The following KLHL1 variants were observed in gnomAD, a reference collection of about 807,000 sequenced individuals.
The protein encoded by KLHL1 is kelch like family member 1.
A neutral mutation model predicts 77.7 loss-of-function variants in KLHL1; 47 were observed. That is an observed-to-expected ratio of 0.60 (90% CI 0.48 to 0.77). The LOEUF (loss-of-function observed/expected upper bound fraction) is 0.77, where lower values mean the gene tolerates loss of function less well. KLHL1 is among the 30% of genes least tolerant of loss of function. KLHL1 has a pLI of 0.00. For missense variants in KLHL1, 925 were observed against 910.8 expected, an observed-to-expected ratio of 1.02 and a Z score of -0.20; for synonymous variants, 360 against 325.2, an observed-to-expected ratio of 1.11 and a Z score of -1.15.
At chr13:69,979,045 C>T (rs1192494871) in intron 1 of KLHL1, among the ~76,000 whole-genome samples, 2 of 151,732 alleles carry the variant, frequency 1.3e-5, no homozygotes, top group Admixed American at 1.3e-4. Context: ...CAAGATAGTA[C>T]CTTCTTTTAT....
chr13:69,985,845 T>TGG (rs1566474198), intron 1 of KLHL1, among the ~76,000 whole-genome samples: 2 of 118,832 alleles, frequency 1.7e-5, no homozygotes, highest in African/African-American at 7.1e-5. Context: ...TGTGTGTGTA[T>TGG]AGATATATAT....
At chr13:69,866,022 G>C (rs897919343) in intron 5 of KLHL1, among the ~76,000 whole-genome samples, 1 of 151,980 alleles carries the variant, frequency 6.6e-6, no homozygotes, top group Non-Finnish European at 1.5e-5. Flanking sequence ...TTTTATAATA[G>C]ATGAATAGTA....
At chr13:69,840,785 A>ATT (rs1182997983) in intron 5 of KLHL1, among the ~76,000 whole-genome samples, 1 of 144,784 alleles carries the variant, frequency 6.9e-6, no homozygotes. Flanking sequence ...TTTTTAGTAA[A>ATT]TTTTTTTTTT....
intron 1 of KLHL1, among the ~76,000 whole-genome samples, chr13:70,106,115 T>C (rs1479490053): frequency 6.6e-6 from 1 of 151,604 alleles, no homozygotes; most frequent in African/African-American, 2.4e-5. Context: ...TATACATATA[T>C]AATTTTATCT....
chr13:69,977,581 G>T (rs761291601), intron 1 of KLHL1, among the ~76,000 whole-genome samples: 3 of 152,076 alleles, frequency 2.0e-5, no homozygotes, highest in Non-Finnish European at 4.4e-5. Context: ...AAAGCCATGT[G>T]AGGAAATAAT....
chr13:69,840,784 A>C (rs1879226448), intron 5 of KLHL1, among the ~76,000 whole-genome samples: 1 of 148,044 alleles, frequency 6.8e-6, no homozygotes, highest in Non-Finnish European at 1.5e-5. Flanking sequence ...ATTTTTAGTA[A>C]ATTTTTTTTT....
intron 7 of KLHL1, among the ~76,000 whole-genome samples, chr13:69,780,230 TA>T (rs1338231816): frequency 6.6e-6 from 1 of 152,226 alleles, no homozygotes; most frequent in East Asian, 1.9e-4. Flanking sequence ...CTTAACTTTT[TA>T]TTTGCATCTC....
chr13:69,966,107 T>A (rs1158169952), intron 2 of KLHL1, among the ~76,000 whole-genome samples: 10 of 152,134 alleles, frequency 6.6e-5, no homozygotes, highest in Admixed American at 6.6e-4. Flanking sequence ...GCAGCTTCTG[T>A]GATCATTGAT....
intron 6 of KLHL1, among the ~76,000 whole-genome samples, chr13:69,798,392 CA>C (rs1484755591): frequency 1.3e-5 from 2 of 152,042 alleles, no homozygotes; most frequent in Non-Finnish European, 2.9e-5. Flanking sequence ...AAAAACGATA[CA>C]ATTTATGCTC....
In KLHL1 at chr13:69,938,551, T is replaced by A. The variant is rs563588903; in HGVS notation, c.1014+1489A>T. ...TTTGCAACTAGACCAGAAGGGACCA[T>A]TATCCCTCTGGATATGGAGGCATAT... is the stretch of plus-strand genomic sequence containing the variant. On this transcript the variant is annotated intron_variant, in intron 4 of 10. Coordinates refer to ENST00000377844, the MANE Select transcript of KLHL1 (RefSeq NM_020866.3). 4.6e-5 allele frequency among the ~76,000 whole-genome samples: 7 copies of A among 152,240 alleles called. No homozygotes were observed. In the South Asian group the frequency reaches 1.4e-3, roughly 32 times the overall value.
intron 1 of KLHL1, among the ~76,000 whole-genome samples, chr13:70,060,031 A>AT (rs1886840538): frequency 6.6e-6 from 1 of 152,192 alleles, no homozygotes; most frequent in Admixed American, 6.5e-5. Context: ...ATCACTCTCC[A>AT]TGAGATAAAG....
intron 1 of KLHL1, among the ~76,000 whole-genome samples, chr13:69,991,338 A>G (rs1030543602): frequency 2.0e-5 from 3 of 151,938 alleles, no homozygotes; most frequent in Non-Finnish European, 4.4e-5. Context: ...GACACACAAA[A>G]AAAGCACACA....
chr13:69,703,752 C>T (rs539345292), intron 10 of KLHL1, among the ~76,000 whole-genome samples: 2 of 151,780 alleles, frequency 1.3e-5, no homozygotes, highest in South Asian at 4.1e-4. Context: ...AAACACCATT[C>T]TGTTGCAATT....
chr13:69,990,190 A>G (rs1276550052), intron 1 of KLHL1, among the ~76,000 whole-genome samples: 1 of 151,988 alleles, frequency 6.6e-6, no homozygotes, highest in African/African-American at 2.4e-5. Flanking sequence ...CTAAAGATGG[A>G]AAGACCATTA....
At chr13:69,777,303 A>G (rs755181479) in intron 7 of KLHL1, among the ~76,000 whole-genome samples, 1 of 152,198 alleles carries the variant, frequency 6.6e-6, no homozygotes, top group Non-Finnish European at 1.5e-5. Context: ...AAGAAAATAG[A>G]CTAATACAGC....
chr13:69,790,993 AG>A (rs1876846565), intron 7 of KLHL1, among the ~76,000 whole-genome samples: 1 of 152,134 alleles, frequency 6.6e-6, no homozygotes, highest in Non-Finnish European at 1.5e-5. Context: ...CATATTTAAT[AG>A]TGAAAGTCAC....
chr13:69,917,806 A>C (rs1266117960), intron 4 of KLHL1, among the ~76,000 whole-genome samples: 1 of 152,042 alleles, frequency 6.6e-6, no homozygotes, highest in Non-Finnish European at 1.5e-5. Context: ...GAAGTCAGTA[A>C]ATTCTCAATT....
chr13:69,933,077 A>G (rs959180745), intron 4 of KLHL1, among the ~76,000 whole-genome samples: 1 of 152,012 alleles, frequency 6.6e-6, no homozygotes, highest in African/African-American at 2.4e-5. Context: ...AAACATCACT[A>G]GTCATTGTCC....
chr13:69,828,749 G>A (rs1270567737), intron 6 of KLHL1, among the ~76,000 whole-genome samples: 1 of 150,152 alleles, frequency 6.7e-6, no homozygotes, highest in Non-Finnish European at 1.5e-5. Context: ...CTTGCTGGCT[G>A]TGTAGGACCT....
Sources: allele counts gnomAD v4.1 joint callset (sites outside exome capture counted in the v4.1 genomes callset), GRCh38; gene constraint gnomAD v4.1.1; transcripts MANE v1.5; gene names NCBI Gene and HGNC (gene_info 2026-07-23, HGNC 2026-07-21).